The following UMODL1 variants were observed in gnomAD, a reference collection of about 807,000 sequenced individuals.
UMODL1 encodes the protein uromodulin like 1.
A neutral mutation model predicts 136.3 loss-of-function variants in UMODL1; 128 were observed. The ratio of observed to expected loss-of-function variants is 0.94; its 90% CI spans 0.81 to 1.09. UMODL1 has a LOEUF of 1.09. Ranked by LOEUF, UMODL1 falls within the 50% of genes least tolerant of loss-of-function variation. The pLI is 0.00. For missense variants in UMODL1, 1,766 were observed against 1,725.6 expected (o/e 1.02, Z -0.41); for synonymous variants, 721 against 720.0 (o/e 1.00, Z -0.02).
At chr21:42,100,508 A>T (rs141439523) in intron 7 of UMODL1, among the ~76,000 whole-genome samples, 69 of 151,910 alleles carry the variant, frequency 4.5e-4, no homozygotes, top group African/African-American at 1.5e-3. Context: ...CAAGCCCTCC[A>T]CTGTGCACGC....
At chr21:42,064,307 C>G (rs764790179) in intron 1 of UMODL1, among the ~76,000 whole-genome samples, 2 of 152,228 alleles carry the variant, frequency 1.3e-5, no homozygotes, top group Admixed American at 6.5e-5. Context: ...GCCCCTTCCC[C>G]CGAGGAGGAG....
At chr21:42,109,062 TGGTGTTATACTCCGCTGGACCCC>T in intron 9 of UMODL1, among the ~76,000 whole-genome samples, 1 of 124,470 alleles carries the variant, frequency 8.0e-6, no homozygotes, top group Non-Finnish European at 1.7e-5. Flanking sequence ...CGTGGAAAGC[TGGTGTTATACTCCGCTGGACCCC>T]CACCCCCGGC....
upstream of UMODL1, among the ~76,000 whole-genome samples, chr21:42,071,015 G>A (rs1458264537): frequency 2.0e-5 from 3 of 152,198 alleles, no homozygotes; most frequent in African/African-American, 4.8e-5. Context: ...CCAGCGATGC[G>A]GTCTGGGCTT....
At chr21:42,095,740 G>T (rs2066550335) in intron 6 of UMODL1, among the ~76,000 whole-genome samples, 1 of 152,162 alleles carries the variant, frequency 6.6e-6, no homozygotes, top group Admixed American at 6.5e-5. Flanking sequence ...CTATTGTTCA[G>T]CTTTGCCATT....
intron 1 of UMODL1, among the ~76,000 whole-genome samples, chr21:42,075,330 A>G (rs2066278130): frequency 6.6e-6 from 1 of 152,034 alleles, no homozygotes; most frequent in African/African-American, 2.4e-5. Flanking sequence ...AAGTGCTGGG[A>G]TTACAGGTGT....
chr21:42,084,347 G>C, intron 3 of UMODL1, 102 bp downstream of exon 3: 1 of 1,343,320 alleles, frequency 7.4e-7, no homozygotes. Context: ...TCTAGGAGCA[G>C]TGACCGATTT....
intron 16 of UMODL1, among the ~76,000 whole-genome samples, chr21:42,121,749 G>T (rs2066976060): frequency 6.6e-6 from 1 of 152,194 alleles, no homozygotes; most frequent in Non-Finnish European, 1.5e-5. Flanking sequence ...GTATCCGGGG[G>T]GCTATAGAAC....
chr21:42,081,092 C>T (rs2066355945), intron 2 of UMODL1, among the ~76,000 whole-genome samples: 1 of 152,198 alleles, frequency 6.6e-6, no homozygotes, highest in Admixed American at 6.5e-5. Flanking sequence ...AGTGACACCC[C>T]AGCTCTGCAC....
intron 4 of UMODL1, among the ~76,000 whole-genome samples, chr21:42,087,753 A>C (rs2066442312): frequency 6.6e-6 from 1 of 152,188 alleles, no homozygotes; most frequent in African/African-American, 2.4e-5. Context: ...TGGGGGCTTC[A>C]AACAACAGAA....
rs564228324 is a variant in UMODL1, at chr21:42,096,898, C to T, written c.932-2028C>T. Among the ~76,000 whole-genome samples the T allele has an allele frequency of 6.6e-5, 10 of 152,286 alleles. No individual in the cohort carries two copies. The East Asian group carries it at 1.9e-3, about 29-fold the overall frequency. ...TTTTTGGAAAAGAAATTGTAGCCCG[C>T]CCTTCCTTTTTCAGTGAGACATATG... is the stretch of plus-strand genomic sequence containing the variant. On this transcript the variant is annotated intron_variant, in intron 6 of 22. Transcript: ENST00000408910.
intron 7 of UMODL1, 29 bp from the exon 8 acceptor site, chr21:42,102,137 A>G (rs772438673): frequency 1.3e-6 from 2 of 1,545,774 alleles, no homozygotes; most frequent in Admixed American, 1.7e-5. Flanking sequence ...TTTTGACCAC[A>G]GGCTAATTTG....
At chr21:42,072,556 C>CG (rs1569137570) in intron 1 of UMODL1, among the ~76,000 whole-genome samples, 1 of 152,178 alleles carries the variant, frequency 6.6e-6, no homozygotes, top group Non-Finnish European at 1.5e-5. Flanking sequence ...TATGAGGACA[C>CG]GGGGCAGAAC....
intron 1 of UMODL1, among the ~76,000 whole-genome samples, chr21:42,075,513 C>T (rs2066280281): frequency 6.6e-6 from 1 of 152,238 alleles, no homozygotes; most frequent in Non-Finnish European, 1.5e-5. Flanking sequence ...CTTCAGTTTG[C>T]ACTGTGGAGG....
Position 42,085,135 on chromosome 21 carries a change from G to A in UMODL1, c.482-156G>A, listed in dbSNP as rs1336452912. ...GGGGCGGGCAGTGAGGACATCCCCCGTCTCCTGTGGTAGATGTCTTTTTGC... is the reference window on the plus strand; with the variant it reads ...GGGGCGGGCAGTGAGGACATCCCCCATCTCCTGTGGTAGATGTCTTTTTGC... On this transcript the variant is annotated intron_variant, in intron 3 of 22. Transcript: ENST00000408910. The surrounding 1 kb of genome is among the most constrained non-coding windows in gnomAD (Gnocchi z 4.5). Among the ~76,000 whole-genome samples the A allele has an allele frequency of 1.3e-5, 2 of 152,044 alleles. No homozygotes were observed. The highest frequency in any genetic ancestry group is 2.4e-5 in the African/African-American group (1 of 41,372).
At chr21:42,134,972 G>A (rs1016599213) in intron 21 of UMODL1, among the ~76,000 whole-genome samples, 1 of 152,114 alleles carries the variant, frequency 6.6e-6, no homozygotes, top group Admixed American at 6.5e-5. Flanking sequence ...GAACGTGCAG[G>A]TTGTTACATA....
At chr21:42,081,768 A>G (rs1326654092) in intron 2 of UMODL1, among the ~76,000 whole-genome samples, 3 of 152,200 alleles carry the variant, frequency 2.0e-5, no homozygotes, top group African/African-American at 7.2e-5. Context: ...AGGAACTGAC[A>G]CTGGGCATTG....
intron 15 of UMODL1, among the ~76,000 whole-genome samples, chr21:42,120,251 T>C (rs2146523904): frequency 6.6e-6 from 1 of 152,360 alleles, no homozygotes; most frequent in Middle Eastern, 3.4e-3. Flanking sequence ...AAGGATTTGC[T>C]CATGCTTCCT....
At chr21:42,063,771 A>G (rs2066160688) in intron 1 of UMODL1, among the ~76,000 whole-genome samples, 1 of 152,192 alleles carries the variant, frequency 6.6e-6, no homozygotes, top group African/African-American at 2.4e-5. Context: ...TGCCTGAATT[A>G]GAGGGCGTGA....
rs1286537852 is a variant in UMODL1, at chr21:42,102,186, A to G, written c.1207A>G (p.Thr403Ala). 7.4e-6 allele frequency: 12 copies of G among 1,613,006 alleles called. No homozygotes were observed. Among genetic ancestry groups the G allele is most frequent in the Non-Finnish European group, 1.0e-5 (12 of 1,179,344 alleles). ...IKTNAQVFEV[T>A]IKIVNHNLTE... ...CTCAGATGCCCAGGTATTTGAAGTCACAATAAAGATTGTAAACCACAACCT... is the reference window on the plus strand; with the variant it reads ...CTCAGATGCCCAGGTATTTGAAGTCGCAATAAAGATTGTAAACCACAACCT... Residue 403 changes from threonine to alanine, a missense_variant, in exon 8 of 23, where the codon ACA becomes GCA. Transcript: ENST00000408910.
Sources: gnomAD v4.1 joint callset for allele counts (sites outside exome capture counted in the v4.1 genomes callset) on GRCh38, gnomAD v4.1.1 for gene constraint, Gnocchi (gnomAD v3.1) non-coding constraint, MANE v1.5 for transcripts, NCBI Gene and HGNC (gene_info 2026-07-23, HGNC 2026-07-21) for gene names.